LTBP1: variants seen among roughly 807,000 people sequenced by gnomAD.
The protein encoded by LTBP1 is latent transforming growth factor beta binding protein 1, also known as latent-transforming growth factor beta-binding protein 1.
LTBP1 carries 129 observed loss-of-function variants against 207.6 expected under a neutral mutation model. The ratio of observed to expected loss-of-function variants is 0.62; its 90% CI spans 0.54 to 0.72. The LOEUF (loss-of-function observed/expected upper bound fraction) is 0.72. LTBP1 is among the 30% of genes least tolerant of loss of function. The pLI is 0.00. For missense variants in LTBP1, 2,281 were observed against 2,217.2 expected, an observed-to-expected ratio of 1.03 and a Z score of -0.58; for synonymous variants, 963 against 833.7, an observed-to-expected ratio of 1.16 and a Z score of -2.67.
At chr2:33,390,395 A>T (rs904348737) in intron 32 of LTBP1, among the ~76,000 whole-genome samples, 2 of 152,192 alleles carry the variant, frequency 1.3e-5, no homozygotes, top group Non-Finnish European at 2.9e-5. Context: ...TAGATAGTAG[A>T]TAGTCTCACT....
At chr2:33,021,310 C>T (rs2149223073) in intron 3 of LTBP1, 104 bp downstream of exon 3, 3 of 1,077,506 alleles carry the variant, frequency 2.8e-6, no homozygotes, top group East Asian at 4.9e-5. Context: ...GCAGAAATCA[C>T]TTGGATAATA....
intron 24 of LTBP1, among the ~76,000 whole-genome samples, chr2:33,327,540 T>C (rs1037476181): frequency 6.6e-6 from 1 of 152,186 alleles, no homozygotes; most frequent in African/African-American, 2.4e-5. Flanking sequence ...AAATTACATA[T>C]GTTTCTTATT....
chr2:33,310,007 G>A (rs191501200), intron 23 of LTBP1, among the ~76,000 whole-genome samples: 74 of 149,666 alleles, frequency 4.9e-4, no homozygotes, highest in African/African-American at 1.8e-3. Context: ...GAGTGCAGTG[G>A]TATGATCTCG....
At chr2:33,004,814 T>TATATAA (rs1178147190) in intron 2 of LTBP1, among the ~76,000 whole-genome samples, 1 of 136,558 alleles carries the variant, frequency 7.3e-6, no homozygotes, top group Admixed American at 7.3e-5. Context: ...TATATATATA[T>TATATAA]AAACATAAAA....
chr2:33,012,077 G>C (rs1687746513), intron 2 of LTBP1, among the ~76,000 whole-genome samples: 1 of 152,116 alleles, frequency 6.6e-6, no homozygotes, highest in Admixed American at 6.5e-5. Flanking sequence ...TTTCCCTGTG[G>C]GGTCTCCCTG....
intron 3 of LTBP1, among the ~76,000 whole-genome samples, chr2:33,083,167 G>C (rs901937530): frequency 1.3e-5 from 2 of 151,812 alleles, no homozygotes; most frequent in African/African-American, 2.4e-5. Flanking sequence ...CAGGTTACTT[G>C]CTCTACACAT....
At chr2:33,031,783 T>C (rs1447208451) in intron 3 of LTBP1, among the ~76,000 whole-genome samples, 2 of 152,208 alleles carry the variant, frequency 1.3e-5, no homozygotes, top group Non-Finnish European at 2.9e-5. Flanking sequence ...GGTCCAATTA[T>C]GGAAAGCCTT....
At chr2:33,200,832 T>C (rs1043445406) in intron 7 of LTBP1, among the ~76,000 whole-genome samples, 2 of 152,134 alleles carry the variant, frequency 1.3e-5, no homozygotes, top group Admixed American at 6.5e-5. Flanking sequence ...GAACAGACAC[T>C]TCTCAAAAGA....
chr2:33,217,021 G>A (rs533087934), intron 7 of LTBP1, among the ~76,000 whole-genome samples: 2 of 152,180 alleles, frequency 1.3e-5, no homozygotes, highest in Non-Finnish European at 2.9e-5. Flanking sequence ...CTCTGCTAGA[G>A]CTGATTTGGC....
chr2:33,030,649 G>A (rs114280295), intron 3 of LTBP1, among the ~76,000 whole-genome samples: 147 of 152,296 alleles, frequency 9.7e-4, no homozygotes, highest in African/African-American at 3.3e-3. Context: ...CTTTGTTGCC[G>A]TGCTGCTTTG....
At chr2:33,341,784 C>G (rs1289246120) in intron 24 of LTBP1, among the ~76,000 whole-genome samples, 1 of 147,010 alleles carries the variant, frequency 6.8e-6, no homozygotes, top group African/African-American at 2.5e-5. Flanking sequence ...AGAAAATGCT[C>G]AATTTTATTA....
intron 2 of LTBP1, among the ~76,000 whole-genome samples, chr2:32,985,778 G>A (rs1166691908): frequency 1.3e-5 from 2 of 152,222 alleles, no homozygotes; most frequent in African/African-American, 4.8e-5. Context: ...TGATGGATGG[G>A]GCCCTGTGTA....
chr2:33,280,897 C>T (rs564502645), intron 19 of LTBP1, among the ~76,000 whole-genome samples: 1 of 152,222 alleles, frequency 6.6e-6, no homozygotes, highest in African/African-American at 2.4e-5. Context: ...AGCAAGACCT[C>T]ATCTCTACAA....
chr2:33,222,610 G>C (rs2149436994), intron 9 of LTBP1, among the ~76,000 whole-genome samples: 1 of 152,290 alleles, frequency 6.6e-6, no homozygotes. Flanking sequence ...AACACATTTT[G>C]CCTAGGCAAT....
chr2:32,997,012 G>A (rs58127069), intron 2 of LTBP1, among the ~76,000 whole-genome samples: 11,639 of 152,132 alleles, frequency 0.077, 467 homozygotes, highest in Middle Eastern at 0.11. Context: ...AGCCTCCCGA[G>A]TAGCTGGGAT....
At chr2:33,177,550 C>A (rs1397480081) in intron 5 of LTBP1, among the ~76,000 whole-genome samples, 1 of 152,154 alleles carries the variant, frequency 6.6e-6, no homozygotes, top group Non-Finnish European at 1.5e-5. Flanking sequence ...TGCCTGTAAT[C>A]TCAGCTACTT....
chr2:33,360,121 T>C (rs2150021824), intron 26 of LTBP1, among the ~76,000 whole-genome samples: 1 of 152,226 alleles, frequency 6.6e-6, no homozygotes, highest in East Asian at 1.9e-4. Context: ...AGTATTTTCC[T>C]AGTTATCTTC....
intron 2 of LTBP1, among the ~76,000 whole-genome samples, chr2:33,014,514 A>G (rs1222020583): frequency 6.6e-6 from 1 of 152,232 alleles, no homozygotes; most frequent in African/African-American, 2.4e-5. Context: ...CACAGAAGAC[A>G]CAGTTAGACT....
At chr2:33,231,526 G>A (rs2149563836) in intron 9 of LTBP1, among the ~76,000 whole-genome samples, 1 of 152,320 alleles carries the variant, frequency 6.6e-6, no homozygotes, top group Non-Finnish European at 1.5e-5. Flanking sequence ...TGTCTGGACT[G>A]TAGCTTGCAT....
Sources: allele counts gnomAD v4.1 joint callset (sites outside exome capture counted in the v4.1 genomes callset), GRCh38; gene constraint gnomAD v4.1.1; transcripts MANE v1.5; gene names NCBI Gene and HGNC (gene_info 2026-07-23, HGNC 2026-07-21).